ITPR3: variants seen among roughly 807,000 people sequenced by gnomAD.
The protein encoded by ITPR3 is inositol 1,4,5-trisphosphate-gated calcium channel ITPR3.
A neutral mutation model predicts 293.2 loss-of-function variants in ITPR3; 173 were observed. That is an observed-to-expected ratio of 0.59 (90% confidence interval 0.52 to 0.67). ITPR3 has a LOEUF of 0.67. Ranked by LOEUF, ITPR3 falls within the 30% of genes least tolerant of loss-of-function variation. ITPR3 has a pLI of 0.00. For synonymous variants in ITPR3, 1,295 were observed against 1,444.4 expected, an observed-to-expected ratio of 0.90 and a Z score of 2.35; for missense variants, 2,796 against 3,592.1, an observed-to-expected ratio of 0.78 and a Z score of 5.66.
At chr6:33,680,741 G>T (rs963629810) in intron 33 of ITPR3, 61 bp downstream of exon 33, 40 of 1,560,652 alleles carry the variant, frequency 2.6e-5, no homozygotes, top group African/African-American at 2.2e-4. Context: ...GAAGGGAAGG[G>T]GGGAAATAAG....
rs763696426 is a variant in ITPR3 at position 33,687,072 on chromosome 6, C to T, written c.6043C>T (p.Arg2015Ter). The T allele has an allele frequency of 5.6e-6, 9 of 1,613,888 alleles. No individual in the cohort carries two copies. Among genetic ancestry groups the T allele is most frequent in the Non-Finnish European group, 5.1e-6 (6 of 1,180,002 alleles). ...ESRHDSENAE[R>*]ILISLRPQEL... ...CCGGCATGACAGTGAAAATGCTGAG[C>T]GAATCCTCATCAGCCTGCGGCCCCA... The change falls in exon 44 of 58, where the codon CGA becomes TGA. Residue 2015 changes from arginine to a stop codon, truncating the protein, a stop_gained. Coordinates refer to ENST00000605930, the MANE Select transcript of ITPR3 (RefSeq NM_002224.4). LOFTEE classifies it high-confidence loss of function. This position sits in a 1 kb window ranked among gnomAD's most constrained non-coding sequence, Gnocchi z 5.3.
At chr6:33,668,832 C>T in intron 17 of ITPR3, 142 bp from the exon 18 acceptor site, 1 of 1,174,020 alleles carries the variant, frequency 8.5e-7, no homozygotes, top group Non-Finnish European at 1.2e-6. Flanking sequence ...AAGAATGAGC[C>T]ACGGACCCTG....
chr6:33,656,748 T>C (rs1764316074), intron 3 of ITPR3, among the ~76,000 whole-genome samples: 1 of 152,214 alleles, frequency 6.6e-6, no homozygotes, highest in Non-Finnish European at 1.5e-5. Flanking sequence ...AAGAACTTTG[T>C]AGCCTGGGCC....
rs761733168 is a variant in ITPR3, at chr6:33,670,738, G to A, written c.2509G>A (p.Val837Met). Residue 837 changes from valine (V) to methionine (M), a missense_variant, in exon 20 of 58, where the codon GTG (valine) becomes ATG (methionine). Physicochemically the swap from Val to Met is conservative, Grantham distance 21. Around this residue, in one of 8 missense-constraint regions of ITPR3, gnomAD observed 955 missense variants for 1,180.8 expected, o/e 0.81. Coordinates refer to ENST00000605930, the MANE Select transcript of ITPR3 (RefSeq NM_002224.4). This position sits in a 1 kb window ranked among gnomAD's most constrained non-coding sequence, Gnocchi z 6.7. ...KNKFANTMEFVEDYLNNVVSE... is the reference protein window; with the variant it reads ...KNKFANTMEFMEDYLNNVVSE... ...CAAGTTTGCCAACACCATGGAGTTC[G>A]TGGAGGACTACCTCAACAATGTAGT... 2 of 1,614,056 alleles carry A rather than the reference G, an allele frequency of 1.2e-6. No homozygotes were observed. The highest frequency in any genetic ancestry group is 8.5e-7 in the Non-Finnish European group (1 of 1,180,038).
rs770070136 is a variant in ITPR3 at position 33,688,773 on chromosome 6, C to T, written c.6686C>T (p.Ala2229Val). The change falls in exon 49 of 58, where the codon GCG (alanine) becomes GTG (valine). Residue 2229 changes from alanine to valine, a missense_variant. Coordinates refer to ENST00000605930, the MANE Select transcript of ITPR3 (RefSeq NM_002224.4). ...IAFFYPYMEG[A>V]STGVLDSPLI... ...TTCTTCTACCCTTACATGGAGGGCG[C>T]GTCCACAGGTGAGAACACAGGGCTG... The T allele has an allele frequency of 4.3e-6, 7 of 1,614,164 alleles. No individual in the cohort carries two copies. Among genetic ancestry groups the T allele is most frequent in the South Asian group, 1.1e-5 (1 of 91,080 alleles).
At position 33,656,045 on chromosome 6, in the gene ITPR3, G is replaced by A. The variant is rs9469541; in HGVS notation, c.282+158G>A. ...GTGACAGTTCACACCTGTAATTCCA[G>A]CACTTTGGGAGGCCAAGGCAGGAGG... On this transcript the variant is annotated intron_variant, in intron 3 of 57. Coordinates refer to ENST00000605930, the MANE Select transcript of ITPR3 (RefSeq NM_002224.4). Among the ~76,000 whole-genome samples the A allele has an allele frequency of 0.026, 3,969 of 152,260 alleles. 168 individuals are homozygous for A. Among genetic ancestry groups the A allele is most frequent in the African/African-American group, 0.087 (3,602 of 41,536 alleles).
rs764037692 is a variant in ITPR3, at chr6:33,694,944, C to T, written c.7806C>T (p.Phe2602=). ...TTCAGAACAAGAACCTGGACTGGTT[C>T]CCCCGGATGCGGGCCATGTCCCTTG... ...QMIKNKNLDW[F]PRMRAMSLVS... is the part of the protein sequence containing the mutation. The change falls in exon 57 of 58, where the codon TTC becomes TTT. Residue 2602 remains phenylalanine, a synonymous_variant. Coordinates refer to ENST00000605930, the MANE Select transcript of ITPR3 (RefSeq NM_002224.4). 2.0e-5 allele frequency: 33 copies of T among 1,613,986 alleles called. No individual in the cohort carries two copies. Among genetic ancestry groups the T allele is most frequent in the Non-Finnish European group, 2.4e-5 (28 of 1,180,020 alleles).
chr6:33,670,322 C>A lies in ITPR3; in HGVS notation c.2190-3C>A. 1.9e-6 allele frequency: 3 copies of A among 1,613,990 alleles called. No homozygotes were observed. Among genetic ancestry groups the A allele is most frequent in the Non-Finnish European group, 2.5e-6 (3 of 1,180,012 alleles). ...TGTCCTCACAGTCCTCCCTGTCCTGCAGGTACCAGCTGAAGCTCTTTGCCC... is the reference window on the plus strand; with the variant it reads ...TGTCCTCACAGTCCTCCCTGTCCTGAAGGTACCAGCTGAAGCTCTTTGCCC... On this transcript the variant is annotated splice_polypyrimidine_tract_variant and splice_region_variant and intron_variant, in intron 18 of 57. Coordinates refer to ENST00000605930, the MANE Select transcript of ITPR3 (RefSeq NM_002224.4). This position sits in a 1 kb window ranked among gnomAD's most constrained non-coding sequence, Gnocchi z 6.7.
rs756638086 is a variant in ITPR3 at position 33,664,259 on chromosome 6, C to A, written c.1148+379C>A. 3.3e-5 allele frequency among the ~76,000 whole-genome samples: 5 copies of A among 152,120 alleles called. No homozygotes were observed. Among genetic ancestry groups the A allele is most frequent in the Non-Finnish European group, 5.9e-5 (4 of 68,036 alleles). ...TCAAGAAACTTCTCAAGTGTCAGTA[C>A]AGGCTTTGGCGTGTCCTTAGCTGTA... On this transcript the variant is annotated intron_variant, in intron 11 of 57. Coordinates refer to ENST00000605930, the MANE Select transcript of ITPR3 (RefSeq NM_002224.4). This position sits in a 1 kb window ranked among gnomAD's most constrained non-coding sequence, Gnocchi z 4.4.
rs555276517 is a variant in ITPR3 at position 33,649,896 on chromosome 6, G to C, written c.161-5870G>C. On this transcript the variant is annotated intron_variant, in intron 2 of 57. Transcript: ENST00000605930. ...GCTATCCCCCTTGCCCTGGAATGAT[G>C]GTATGCAGTGGCAGTGGGCATTTGG... Among the ~76,000 whole-genome samples the C allele has an allele frequency of 6.6e-5, 10 of 152,258 alleles. No homozygotes were observed. The South Asian group carries it at 2.1e-3, about 32-fold the overall frequency.
chr6:33,695,690 G>C, intron 57 of ITPR3, 22 bp from the exon 58 acceptor site: 5 of 1,613,382 alleles, frequency 3.1e-6, no homozygotes, highest in Non-Finnish European at 4.2e-6. Context: ...GACCAGGCCT[G>C]TTGGCATCTG....
Position 33,667,122 on chromosome 6 carries a change from C to A in ITPR3, c.1552-7C>A, listed in dbSNP as rs1388199996. On this transcript the variant is annotated splice_region_variant and splice_polypyrimidine_tract_variant and intron_variant, in intron 14 of 57. Transcript: ENST00000605930. The surrounding 1 kb of genome is among the most constrained non-coding windows in gnomAD (Gnocchi z 4.4). ...GGAATCAGTCCTCACCCTCTGTATT[C>A]CCCCAGGTCTTTGGCATTCTGAAGG... 4 of 1,613,102 alleles carry A rather than the reference C, an allele frequency of 2.5e-6. No individual in the cohort carries two copies. The African/African-American group carries it at 4.0e-5, about 16-fold the overall frequency.
At position 33,663,522 on chromosome 6, in the gene ITPR3, A is replaced by T. The variant is rs201052446; in HGVS notation, c.977A>T (p.Asp326Val). ...AAEENPSYKG[D>V]ASDPKAAGMG... ...CAGGAGAACCCCAGTTACAAAGGTG[A>T]TGCCTCAGATCCCAAGGCAGCAGGA... is the stretch of plus-strand genomic sequence containing the variant. Residue 326 changes from aspartate (D) to valine (V), a missense_variant, in exon 10 of 58, where the codon GAT becomes GTT. Asp to Val is a radical substitution (Grantham distance 152, BLOSUM62 -3). This residue lies in a region of ITPR3 where 955 missense variants were observed against 1,180.8 expected (regional missense o/e 0.81). Coordinates refer to ENST00000605930, the MANE Select transcript of ITPR3 (RefSeq NM_002224.4). 1.2e-6 allele frequency: 2 copies of T among 1,606,214 alleles called. No homozygotes were observed. Among genetic ancestry groups the T allele is most frequent in the Non-Finnish European group, 1.7e-6 (2 of 1,175,966 alleles).
intron 21 of ITPR3, 85 bp from the exon 22 acceptor site, chr6:33,671,944 C>A: frequency 7.8e-7 from 1 of 1,276,596 alleles, no homozygotes; most frequent in Non-Finnish European, 1.1e-6. Flanking sequence ...GATTATGCAT[C>A]CTCTGCCTCC....
Position 33,655,310 on chromosome 6 carries a change from A to G in ITPR3, c.161-456A>G, listed in dbSNP as rs1764279224. ...GGCTGGGCTGTTCTATGCCTGTGTC[A>G]GTCACTGGATAGGGGCTGCCCCTGG... On this transcript the variant is annotated intron_variant, in intron 2 of 57. Transcript: ENST00000605930. This position sits in a 1 kb window ranked among gnomAD's most constrained non-coding sequence, Gnocchi z 4.9. Among the ~76,000 whole-genome samples, 2 of 152,182 alleles carry G rather than the reference A, an allele frequency of 1.3e-5. No homozygotes were observed. Among genetic ancestry groups the G allele is most frequent in the African/African-American group, 4.8e-5 (2 of 41,442 alleles).
At position 33,680,057 on chromosome 6, in the gene ITPR3, C is replaced by T; in HGVS notation, c.4148C>T (p.Thr1383Ile). ...TGTGCCGAGGGCAAAAACGTCTACACTGAGATCAAGTGCACCTCCCTGCTG... is the reference window on the plus strand; with the variant it reads ...TGTGCCGAGGGCAAAAACGTCTACATTGAGATCAAGTGCACCTCCCTGCTG... ...AACAEGKNVY[T>I]EIKCTSLLPL... Residue 1383 changes from threonine (T) to isoleucine (I), a missense_variant, in exon 31 of 58, where the codon ACT (threonine) becomes ATT (isoleucine). By Grantham distance (89) the Thr-to-Ile change is moderately conservative. This residue lies in a region of ITPR3 where 344 missense variants were observed against 460.3 expected (regional missense o/e 0.75). Coordinates refer to ENST00000605930, the MANE Select transcript of ITPR3 (RefSeq NM_002224.4). 6.2e-7 allele frequency: 1 copy of T among 1,613,822 alleles called. No individual in the cohort carries two copies. The highest frequency in any genetic ancestry group is 8.5e-7 in the Non-Finnish European group (1 of 1,180,032).
intron 28 of ITPR3, 117 bp from the exon 29 acceptor site, chr6:33,678,304 G>C: frequency 7.1e-7 from 1 of 1,399,590 alleles, no homozygotes. Context: ...CTTTACGCTG[G>C]CCTCTTCACG....
chr6:33,686,437 G>GT lies in ITPR3; in HGVS notation c.5897_5898insT (p.Ile1967HisfsTer11). On this transcript the variant is annotated frameshift_variant, in exon 43 of 58. Coordinates refer to ENST00000605930, the MANE Select transcript of ITPR3 (RefSeq NM_002224.4). LOFTEE classifies it high-confidence loss of function. The stretch of plus-strand genomic sequence containing the variant: ...TGCATTGTGACTCACGAGTCCAATG[G>GT]CATAGACATCATCACCGCACTGATC... 1 of 1,614,218 alleles carries GT rather than the reference G, an allele frequency of 6.2e-7. No individual in the cohort carries two copies. Among genetic ancestry groups the GT allele is most frequent in the Admixed American group, 1.7e-5 (1 of 60,030 alleles).
Position 33,662,911 on chromosome 6 carries a change from G to GT in ITPR3, c.860dup (p.Val288GlyfsTer31), listed in dbSNP as rs1203468257. The stretch of plus-strand genomic sequence containing the variant: ...CTGCCTCACACCTGTGTGCCCCTAG[G>GT]TGGTCCACCACGACCCCTGCCGTGG... On this transcript the variant is annotated frameshift_variant and splice_region_variant, in exon 9 of 58. Coordinates refer to ENST00000605930, the MANE Select transcript of ITPR3 (RefSeq NM_002224.4). LOFTEE classifies it high-confidence loss of function. The GT allele has an allele frequency of 6.3e-7, 1 of 1,590,260 alleles. No homozygotes were observed. The highest frequency in any genetic ancestry group is 1.1e-5 in the South Asian group (1 of 87,626).
Sources: allele counts gnomAD v4.1 joint callset (sites outside exome capture counted in the v4.1 genomes callset), GRCh38; gene constraint gnomAD v4.1.1; regional missense constraint gnomAD v4.1.1; non-coding constraint Gnocchi (gnomAD v3.1); transcripts MANE v1.5; gene names NCBI Gene and HGNC (gene_info 2026-07-23, HGNC 2026-07-21).